The following ANKS1B variants were observed in gnomAD, a reference collection of about 807,000 sequenced individuals.
The protein encoded by ANKS1B is ankyrin repeat and sterile alpha motif domain-containing protein 1B.
Under a neutral mutation model 148.3 loss-of-function variants are expected in ANKS1B, and 36 were observed. The observed-to-expected ratio is 0.24, with a 90% CI of 0.19 to 0.32. The LOEUF is 0.32. Ranked by LOEUF, ANKS1B falls within the 10% of genes least tolerant of loss-of-function variation. The probability of loss-of-function intolerance (pLI) is 1.00; values close to 1 mark genes in which losing one functional copy is unlikely to be tolerated. For synonymous variants in ANKS1B, 542 were observed against 560.8 expected (o/e 0.97, Z 0.47); for missense variants, 1,157 against 1,542.6 (o/e 0.75, Z 4.19).
intron 9 of ANKS1B, among the ~76,000 whole-genome samples, chr12:99,558,094 G>A (rs1169396824): frequency 6.6e-6 from 1 of 152,218 alleles, no homozygotes; most frequent in Non-Finnish European, 1.5e-5. Context: ...GTAAGCCCAA[G>A]TGCTTCATCA....
At chr12:99,847,401 G>A (rs543316730) in intron 1 of ANKS1B, among the ~76,000 whole-genome samples, 7 of 152,162 alleles carry the variant, frequency 4.6e-5, no homozygotes, top group East Asian at 1.9e-4. Flanking sequence ...AACCTTCTCC[G>A]ACCTTTCTGT....
chr12:98,880,800 AAACAACAAC>A (rs527909715), intron 17 of ANKS1B, among the ~76,000 whole-genome samples: 6 of 151,804 alleles, frequency 4.0e-5, no homozygotes, highest in South Asian at 2.1e-4. Flanking sequence ...ATAAAAAATA[AAACAACAAC>A]AACAACAACA....
intron 17 of ANKS1B, among the ~76,000 whole-genome samples, chr12:98,939,067 A>AGTAAG (rs2099829484): frequency 1.3e-5 from 2 of 152,330 alleles, no homozygotes; most frequent in Admixed American, 6.5e-5. Flanking sequence ...CAGATAGCTG[A>AGTAAG]GTAAGGTGCC....
At chr12:99,632,767 A>ATATATATATATATATATATTTT (rs1441486862) in intron 9 of ANKS1B, among the ~76,000 whole-genome samples, 1 of 71,336 alleles carries the variant, frequency 1.4e-5, no homozygotes, top group Non-Finnish European at 2.9e-5. Flanking sequence ...ATATATATAT[A>ATATATATATATATATATATTTT]TTTTAATTAT....
chr12:98,979,635 G>T (rs990270900), intron 17 of ANKS1B, among the ~76,000 whole-genome samples: 1 of 150,974 alleles, frequency 6.6e-6, no homozygotes, highest in Non-Finnish European at 1.5e-5. Context: ...TTGTTACTTT[G>T]TGAAGTGTCT....
At chr12:99,685,510 A>G (rs2098644303) in intron 8 of ANKS1B, among the ~76,000 whole-genome samples, 1 of 152,114 alleles carries the variant, frequency 6.6e-6, no homozygotes, top group Non-Finnish European at 1.5e-5. Flanking sequence ...CTACTATGGA[A>G]AACAGTGTGG....
At chr12:99,812,570 G>C (rs12228397) in intron 2 of ANKS1B, among the ~76,000 whole-genome samples, 7 of 130,318 alleles carry the variant, frequency 5.4e-5, no homozygotes, top group South Asian at 2.7e-4. Context: ...GAGAGAGAGA[G>C]AGAGAGAAAG....
At chr12:99,603,540 A>T (rs927290769) in intron 9 of ANKS1B, among the ~76,000 whole-genome samples, 32 of 152,124 alleles carry the variant, frequency 2.1e-4, no homozygotes, top group African/African-American at 7.0e-4. Context: ...AAGCCTTGAT[A>T]ACATAGCCAG....
chr12:99,218,288 A>G (rs1261798149), intron 14 of ANKS1B, among the ~76,000 whole-genome samples: 2 of 152,184 alleles, frequency 1.3e-5, no homozygotes, highest in Non-Finnish European at 2.9e-5. Context: ...CTGAATTATT[A>G]TGGAATTAAA....
chr12:99,487,284 A>T (rs547063444), intron 10 of ANKS1B, among the ~76,000 whole-genome samples: 4 of 152,188 alleles, frequency 2.6e-5, no homozygotes, highest in African/African-American at 9.6e-5. Flanking sequence ...TTTACTATGT[A>T]TTTGTGAAAT....
chr12:99,106,989 C>T (rs2059358487), intron 15 of ANKS1B, among the ~76,000 whole-genome samples: 1 of 152,090 alleles, frequency 6.6e-6, no homozygotes, highest in East Asian at 1.9e-4. Flanking sequence ...CAGACGTCTG[C>T]TCTAGCTGCA....
chr12:98,888,564 A>T (rs1384886657), intron 17 of ANKS1B, among the ~76,000 whole-genome samples: 1 of 152,228 alleles, frequency 6.6e-6, no homozygotes, highest in African/African-American at 2.4e-5. Context: ...AGCAAGGCTG[A>T]CCTGAGCTGA....
At chr12:99,770,644 T>C (rs771644132) in intron 8 of ANKS1B, among the ~76,000 whole-genome samples, 1 of 152,132 alleles carries the variant, frequency 6.6e-6, no homozygotes, top group Non-Finnish European at 1.5e-5. Context: ...ATGTCTTTTA[T>C]CTGCCCAAAA....
intron 14 of ANKS1B, among the ~76,000 whole-genome samples, chr12:99,209,587 G>T: frequency 6.6e-6 from 1 of 152,034 alleles, no homozygotes; most frequent in East Asian, 1.9e-4. Flanking sequence ...TTGATGTGTG[G>T]GCCATACAGA....
chr12:98,760,277 T>A (rs933729405), intron 25 of ANKS1B, among the ~76,000 whole-genome samples: 3 of 152,086 alleles, frequency 2.0e-5, no homozygotes, highest in Non-Finnish European at 4.4e-5. Flanking sequence ...CTTGCTTTTT[T>A]TTTTTGAGAC....
chr12:99,412,650 T>C (rs1407749491), intron 11 of ANKS1B, among the ~76,000 whole-genome samples: 1 of 152,224 alleles, frequency 6.6e-6, no homozygotes, highest in African/African-American at 2.4e-5. Flanking sequence ...CTGTTTTTCA[T>C]CACTGCTATG....
rs543402038 is a variant in ANKS1B, at chr12:99,920,436, A to G, written c.134+63668T>C. On this transcript the variant is annotated intron_variant, in intron 1 of 26. Transcript: ENST00000683438. ...TTAAACTTGAGGCATTTATTCATAT[A>G]ATCAAGAGTCTAGGAAAACTGCCTG... is the stretch of plus-strand genomic sequence containing the variant. Among the ~76,000 whole-genome samples the G allele has an allele frequency of 3.3e-5, 5 of 152,210 alleles. No homozygotes were observed. In the South Asian group the frequency reaches 1.0e-3, roughly 32 times the overall value.
intron 3 of ANKS1B, among the ~76,000 whole-genome samples, chr12:99,808,786 A>G (rs2067960129): frequency 1.3e-5 from 2 of 152,170 alleles, no homozygotes; most frequent in Non-Finnish European, 2.9e-5. Context: ...GAAAAGAGAA[A>G]GGCCAGTTAT....
rs1349028222 is a variant in ANKS1B, at chr12:99,651,975, AT to A, written c.1272+3091del. Among the ~76,000 whole-genome samples the A allele has an allele frequency of 2.0e-5, 3 of 151,544 alleles. No individual in the cohort carries two copies. The East Asian group carries it at 5.8e-4, about 29-fold the overall frequency. ...CACAAAAATATGCTATACATATTAT[AT>A]TTTTAATTGCAAAACTTCAAAAATT... On this transcript the variant is annotated intron_variant, in intron 9 of 26. Coordinates refer to ENST00000683438, the MANE Select transcript of ANKS1B (RefSeq NM_001352186.2).
Sources: gnomAD v4.1 joint callset for allele counts (sites outside exome capture counted in the v4.1 genomes callset) on GRCh38, gnomAD v4.1.1 for gene constraint, MANE v1.5 for transcripts, NCBI Gene and HGNC (gene_info 2026-07-23, HGNC 2026-07-21) for gene names.